The following CATSPER4 variants were observed in gnomAD, a reference collection of about 807,000 sequenced individuals.
The protein encoded by CATSPER4 is cation channel sperm associated 4.
Under a neutral mutation model 54.4 loss-of-function variants are expected in CATSPER4, and 46 were observed. The observed-to-expected ratio is 0.84, with a 90% CI of 0.67 to 1.08. The LOEUF (loss-of-function observed/expected upper bound fraction) is 1.08. Ranked by LOEUF, CATSPER4 falls within the 50% of genes least tolerant of loss-of-function variation. The pLI is 0.00. For missense variants in CATSPER4, 574 were observed against 612.8 expected, an observed-to-expected ratio of 0.94 and a Z score of 0.67; for synonymous variants, 230 against 231.9, an observed-to-expected ratio of 0.99 and a Z score of 0.08.
rs1386135693 is a variant in CATSPER4, at chr1:26,193,810, C to G, written c.381C>G (p.Thr127=). 40 of 1,613,452 alleles carry G rather than the reference C, an allele frequency of 2.5e-5. No individual in the cohort carries two copies. Among genetic ancestry groups the G allele is most frequent in the Non-Finnish European group, 3.2e-5 (38 of 1,179,500 alleles). The change falls in exon 3 of 10, where the codon ACC becomes ACG. Residue 127 remains threonine, a synonymous_variant. Coordinates refer to ENST00000456354, the MANE Select transcript of CATSPER4 (RefSeq NM_198137.2). ...AGAAACACTATGAGTTGTTCTCTAC[C>G]ATAGATGACATTGTGCTGACCATCC... ...LDQKHYELFS[T]IDDIVLTILL...
intron 3 of CATSPER4, among the ~76,000 whole-genome samples, chr1:26,196,365 G>T (rs1569904707): frequency 7.3e-6 from 1 of 136,222 alleles, no homozygotes; most frequent in African/African-American, 2.8e-5. Context: ...TATCCAATCA[G>T]TCTCTTCTGA....
chr1:26,192,839 G>T lies in CATSPER4; in HGVS notation c.358-948G>T, dbSNP rs140191753. 4.6e-3 allele frequency among the ~76,000 whole-genome samples: 706 copies of T among 152,044 alleles called. 4 individuals carry two copies. Among genetic ancestry groups the T allele is most frequent in the Non-Finnish European group, 7.1e-3 (485 of 67,986 alleles). ...TGAGTCTGTTGCACTTTGGGGTAAA[G>T]CGCACTTTTGGGGAGGACACTTTGA... is the stretch of plus-strand genomic sequence containing the variant. On this transcript the variant is annotated intron_variant, in intron 2 of 9. Coordinates refer to ENST00000456354, the MANE Select transcript of CATSPER4 (RefSeq NM_198137.2).
chr1:26,197,733 G>A lies in CATSPER4; in HGVS notation c.507G>A (p.Leu169=). The change falls in exon 4 of 10, where the codon TTG becomes TTA. Residue 169 remains leucine (L), a synonymous_variant. Transcript: ENST00000456354. ...TCATTATCGTCTTTATCTTGCTCTT[G>A]CGGTTCTTCATTAATGAAATCAATA... ...LNFIIVFILL[L]RFFINEINIP... 2 of 1,613,952 alleles carry A rather than the reference G, an allele frequency of 1.2e-6. No homozygotes were observed. Among genetic ancestry groups the A allele is most frequent in the Non-Finnish European group, 8.5e-7 (1 of 1,180,000 alleles).
intron 1 of CATSPER4, 39 bp downstream of exon 1, chr1:26,190,879 G>GT: frequency 6.4e-7 from 1 of 1,554,198 alleles, no homozygotes; most frequent in Non-Finnish European, 8.7e-7. Flanking sequence ...CCCTTCTGCA[G>GT]CTGTGCTCAT....
At chr1:26,196,153 T>C (rs1332603092) in intron 3 of CATSPER4, among the ~76,000 whole-genome samples, 2 of 148,832 alleles carry the variant, frequency 1.3e-5, no homozygotes, top group South Asian at 2.1e-4. Context: ...CCTTTTTTTT[T>C]TTTTTTTTCT....
chr1:26,201,657 T>TTTTTTTC (rs1201697560), intron 9 of CATSPER4, 138 bp downstream of exon 9: 7 of 752,944 alleles, frequency 9.3e-6, no homozygotes, highest in South Asian at 1.6e-5. Flanking sequence ...CACCCCTCCT[T>TTTTTTTC]TTTTTTCTTT....
At position 26,195,580 on chromosome 1, in the gene CATSPER4, A is replaced by C. The variant is rs559174295; in HGVS notation, c.459+1692A>C. Reference sequence around the variant, plus strand: ...CAGTGGCGCGATCTCGGCTCACTGCAAGCTCTGCCTCCCCGGGTTCACACC... The same window carrying C: ...CAGTGGCGCGATCTCGGCTCACTGCCAGCTCTGCCTCCCCGGGTTCACACC... On this transcript the variant is annotated intron_variant, in intron 3 of 9. Transcript: ENST00000456354. 6.7e-5 allele frequency among the ~76,000 whole-genome samples: 10 copies of C among 149,896 alleles called. No individual in the cohort carries two copies. In the South Asian group the frequency reaches 1.9e-3, roughly 28 times the overall value.
At chr1:26,191,633 G>T (rs1159604732) in intron 2 of CATSPER4, among the ~76,000 whole-genome samples, 1 of 152,214 alleles carries the variant, frequency 6.6e-6, no homozygotes, top group Non-Finnish European at 1.5e-5. Context: ...TTTGAGGAAT[G>T]CATTGGATTT....
chr1:26,200,776 CG>C, intron 7 of CATSPER4, 53 bp from the exon 8 acceptor site: 2 of 1,416,588 alleles, frequency 1.4e-6, no homozygotes, highest in Admixed American at 1.7e-5. Context: ...AAAAGGGTGC[CG>C]GGGGCGTGCC....
At chr1:26,199,822 G>A in intron 6 of CATSPER4, 62 bp from the exon 7 acceptor site, 1 of 1,583,640 alleles carries the variant, frequency 6.3e-7, no homozygotes, top group East Asian at 2.2e-5. Flanking sequence ...CCATTTCAAT[G>A]ACAAGGAAAC....
chr1:26,191,457 C>T, intron 2 of CATSPER4, 27 bp downstream of exon 2: 1 of 1,613,402 alleles, frequency 6.2e-7, no homozygotes, highest in Admixed American at 1.7e-5. Context: ...ACCTCTGCCC[C>T]ACTAACCCTA....
chr1:26,200,202 C>A, intron 7 of CATSPER4, 144 bp downstream of exon 7: 1 of 878,542 alleles, frequency 1.1e-6, no homozygotes. Context: ...AGCCCCCCAT[C>A]TTGAGTGCCC....
chr1:26,195,693 G>A (rs1182843908), intron 3 of CATSPER4, among the ~76,000 whole-genome samples: 1 of 151,924 alleles, frequency 6.6e-6, no homozygotes, highest in Non-Finnish European at 1.5e-5. Context: ...AGTAGAGACG[G>A]GGGTCTCACC....
chr1:26,195,594 C>T (rs184194078), intron 3 of CATSPER4, among the ~76,000 whole-genome samples: 1,648 of 152,056 alleles, frequency 0.011, 39 homozygotes, highest in African/African-American at 0.038. Flanking sequence ...TCTGCCTCCC[C>T]GGGTTCACAC....
At chr1:26,195,459 T>C (rs2088925450) in intron 3 of CATSPER4, among the ~76,000 whole-genome samples, 1 of 151,072 alleles carries the variant, frequency 6.6e-6, no homozygotes, top group Non-Finnish European at 1.5e-5. Flanking sequence ...AGAGAGAGAG[T>C]GAGAGGGGAG....
Position 26,202,701 on chromosome 1 carries a change from T to C in CATSPER4, c.*159T>C. 1.4e-6 allele frequency: 1 copy of C among 697,304 alleles called. No homozygotes were observed. The highest frequency in any genetic ancestry group is 2.6e-6 in the Non-Finnish European group (1 of 389,500). 43.2% of individuals were successfully genotyped at this position (697,304 alleles called of 1,614,324 possible). A position where few individuals can be genotyped will look rare whatever the true frequency, so the allele number is the denominator to read the frequency against. ...GTGAAGGTGGCAGCACCTGCAGGTC[T>C]GGTGCCTGTGAGCCCCAGGTCCGGT... On this transcript the variant is annotated 3_prime_UTR_variant, in exon 10 of 10. Coordinates refer to ENST00000456354, the MANE Select transcript of CATSPER4 (RefSeq NM_198137.2).
At position 26,202,866 on chromosome 1, in the gene CATSPER4, G is replaced by C. The variant is rs1273862841; in HGVS notation, c.*324G>C. The C allele has an allele frequency of 2.4e-6, 1 of 425,030 alleles. No homozygotes were observed. Among genetic ancestry groups the C allele is most frequent in the Admixed American group, 3.7e-5 (1 of 27,026 alleles). The allele number at this position is 425,030 out of a possible 1,614,324, so 26.3% of individuals were successfully genotyped here. ...CCCTGGCCCCCTGCTCTTGCCCAGA[G>C]CTGGTGGGGGGCCTCAGTGGGCCCC... On this transcript the variant is annotated 3_prime_UTR_variant, in exon 10 of 10. Transcript: ENST00000456354.
Position 26,199,905 on chromosome 1 carries a change from A to T in CATSPER4, c.834A>T (p.Ala278=). 1 of 1,614,170 alleles carries T rather than the reference A, an allele frequency of 6.2e-7. No homozygotes were observed. Among genetic ancestry groups the T allele is most frequent in the Admixed American group, 1.7e-5 (1 of 60,014 alleles). The change falls in exon 7 of 10, where the codon GCA becomes GCT. Residue 278 remains alanine, a synonymous_variant. Transcript: ENST00000456354. ...SDFQTEKREY[A]MEIGGAIYFT... ...GCAGGACAGAGAAGAGGGAATATGC[A>T]ATGGAGATTGGGGGTGCCATCTACT...
intron 8 of CATSPER4, 106 bp downstream of exon 8, chr1:26,201,147 G>A: frequency 2.8e-6 from 3 of 1,087,076 alleles, no homozygotes; most frequent in Middle Eastern, 4.4e-4. Context: ...GCAGAGCCTG[G>A]GCCCCACAGA....
Sources: allele counts gnomAD v4.1 joint callset (sites outside exome capture counted in the v4.1 genomes callset), GRCh38; gene constraint gnomAD v4.1.1; transcripts MANE v1.5; gene names NCBI Gene and HGNC (gene_info 2026-07-23, HGNC 2026-07-21).